Variants in KCNQ3 observed in about 807,000 individuals in gnomAD.
KCNQ3 encodes potassium voltage-gated channel subfamily Q member 3.
KCNQ3 carries 30 observed loss-of-function variants against 92.5 expected under a neutral mutation model. The observed-to-expected ratio is 0.32, with a 90% CI of 0.24 to 0.44. The LOEUF (loss-of-function observed/expected upper bound fraction) is 0.44. Ranked by LOEUF, KCNQ3 falls within the 20% of genes least tolerant of loss-of-function variation. The probability of loss-of-function intolerance (pLI) is 1.00; values close to 1 mark genes in which losing one functional copy is unlikely to be tolerated. For missense variants in KCNQ3, 913 were observed against 1,140.3 expected (o/e 0.80, Z 2.87); for synonymous variants, 450 against 468.8 (o/e 0.96, Z 0.52).
chr8:132,186,216 T>G, intron 1 of KCNQ3, 35 bp from the exon 2 acceptor site: 2 of 1,499,362 alleles, frequency 1.3e-6, no homozygotes, highest in South Asian at 1.1e-5. Flanking sequence ...TAAGGAACCT[T>G]TGAGTCATGG....
chr8:132,459,199 A>G (rs1360657332), intron 1 of KCNQ3, among the ~76,000 whole-genome samples: 1 of 152,206 alleles, frequency 6.6e-6, no homozygotes, highest in Non-Finnish European at 1.5e-5. Context: ...TTTTCATCAC[A>G]TCATGTCAAG....
intron 12 of KCNQ3, among the ~76,000 whole-genome samples, chr8:132,137,206 A>G (rs1031887323): frequency 2.0e-5 from 3 of 152,090 alleles, no homozygotes; most frequent in African/African-American, 4.8e-5. Context: ...AGCAGGTACC[A>G]TTCTTTCCTT....
intron 1 of KCNQ3, among the ~76,000 whole-genome samples, chr8:132,454,629 A>T (rs2721909): frequency 5.9e-5 from 9 of 152,106 alleles, no homozygotes; most frequent in South Asian, 2.1e-4. Flanking sequence ...CCTGATACCC[A>T]CACTGTCCTT....
intron 2 of KCNQ3, among the ~76,000 whole-genome samples, 197 bp downstream of exon 2, chr8:132,185,894 G>C (rs1329296041): frequency 6.6e-6 from 1 of 152,184 alleles, no homozygotes; most frequent in Non-Finnish European, 1.5e-5. Flanking sequence ...GCTTTACCAG[G>C]AATGCCATTC....
intron 1 of KCNQ3, among the ~76,000 whole-genome samples, chr8:132,266,155 T>A (rs1046962833): frequency 7.3e-6 from 1 of 136,320 alleles, no homozygotes; most frequent in Non-Finnish European, 1.6e-5. Flanking sequence ...CCTCATTCAA[T>A]GCTGTCTCAA....
intron 1 of KCNQ3, among the ~76,000 whole-genome samples, chr8:132,338,763 C>T (rs1380651029): frequency 6.6e-6 from 1 of 152,184 alleles, no homozygotes; most frequent in African/African-American, 2.4e-5. Flanking sequence ...TAAGCTGCTT[C>T]TGGCAGAAAA....
chr8:132,140,077 T>C lies in KCNQ3; in HGVS notation c.1567A>G (p.Arg523Gly), dbSNP rs2130942238. 2 of 1,591,258 alleles carry C rather than the reference T, an allele frequency of 1.3e-6. No homozygotes were observed. Among genetic ancestry groups the C allele is most frequent in the Non-Finnish European group, 1.7e-6 (2 of 1,168,774 alleles). The part of the protein sequence containing the change: ...PTLKAAIRAV[R>G]ILQFRLYKKK... The stretch of plus-strand genomic sequence containing the variant: ...CAGGTGGGACCGTGGGGGCATTACC[T>C]GACGGCTCGGATGGCGGCCTTCAGG... Residue 523 changes from arginine to glycine, a missense_variant and splice_region_variant, in exon 11 of 15, where the codon AGA (arginine) becomes GGA (glycine). Transcript: ENST00000388996.
At chr8:132,212,892 C>T (rs1740620844) in intron 1 of KCNQ3, among the ~76,000 whole-genome samples, 1 of 152,206 alleles carries the variant, frequency 6.6e-6, no homozygotes, top group African/African-American at 2.4e-5. Context: ...CAAACACAGA[C>T]CTGTAGGCAG....
chr8:132,470,398 T>C (rs529704051), intron 1 of KCNQ3, among the ~76,000 whole-genome samples: 1 of 152,372 alleles, frequency 6.6e-6, no homozygotes, highest in Admixed American at 6.5e-5. Context: ...GCTTCACCAA[T>C]TGTTAATATG....
At chr8:132,281,542 GTGTGTGTA>G (rs1816516488) in intron 1 of KCNQ3, among the ~76,000 whole-genome samples, 2 of 59,002 alleles carry the variant, frequency 3.4e-5, no homozygotes, top group African/African-American at 1.3e-4. Context: ...GTGTGTATAT[GTGTGTGTA>G]TATATATATA....
At chr8:132,184,824 A>T (rs576109842) in intron 2 of KCNQ3, among the ~76,000 whole-genome samples, 1 of 152,326 alleles carries the variant, frequency 6.6e-6, no homozygotes. Flanking sequence ...TGGGCCAGGC[A>T]GCCCTGAAAG....
chr8:132,203,706 T>A (rs947600312), intron 1 of KCNQ3, among the ~76,000 whole-genome samples: 1 of 152,220 alleles, frequency 6.6e-6, no homozygotes, highest in African/African-American at 2.4e-5. Context: ...TCCCTTGTGT[T>A]TATTATGGGG....
At chr8:132,182,513 G>T (rs566361479) in intron 3 of KCNQ3, among the ~76,000 whole-genome samples, 1 of 152,228 alleles carries the variant, frequency 6.6e-6, no homozygotes, top group African/African-American at 2.4e-5. Context: ...AGGGTGGAGG[G>T]GGACCTGGAG....
intron 1 of KCNQ3, among the ~76,000 whole-genome samples, chr8:132,478,251 G>A (rs535702957): frequency 1.2e-3 from 177 of 152,278 alleles, no homozygotes; most frequent in Non-Finnish European, 2.2e-3. Flanking sequence ...GTCAGTAACA[G>A]CTTTAGCTAT....
intron 1 of KCNQ3, among the ~76,000 whole-genome samples, chr8:132,210,511 C>T (rs769605905): frequency 5.3e-5 from 8 of 152,102 alleles, no homozygotes; most frequent in East Asian, 1.9e-4. Flanking sequence ...CAAATTACCC[C>T]GAACATGGCA....
At chr8:132,175,387 C>G in intron 5 of KCNQ3, 66 bp downstream of exon 5, 1 of 1,545,398 alleles carries the variant, frequency 6.5e-7, no homozygotes, top group Non-Finnish European at 8.9e-7. Context: ...TCATGTGATG[C>G]CCTCCACCTC....
chr8:132,430,579 A>G (rs112834400), intron 1 of KCNQ3, among the ~76,000 whole-genome samples: 1 of 152,306 alleles, frequency 6.6e-6, no homozygotes, highest in Non-Finnish European at 1.5e-5. Flanking sequence ...GTCCTAGACC[A>G]TGAGTCTGTG....
At chr8:132,424,296 C>T (rs1205062813) in intron 1 of KCNQ3, among the ~76,000 whole-genome samples, 2 of 152,102 alleles carry the variant, frequency 1.3e-5, no homozygotes, top group African/African-American at 4.8e-5. Context: ...TCACTGCCCT[C>T]CAGCCCCTAC....
chr8:132,147,293 C>G (rs777718304), intron 9 of KCNQ3, among the ~76,000 whole-genome samples: 8 of 152,142 alleles, frequency 5.3e-5, no homozygotes, highest in Non-Finnish European at 1.0e-4. Context: ...CCTGGTTTCT[C>G]GTTGCACAGA....
Sources: gnomAD v4.1 joint callset for allele counts (sites outside exome capture counted in the v4.1 genomes callset) on GRCh38, gnomAD v4.1.1 for gene constraint, MANE v1.5 for transcripts, NCBI Gene and HGNC (gene_info 2026-07-23, HGNC 2026-07-21) for gene names.